The following PDE10A variants were observed in gnomAD, a reference collection of about 807,000 sequenced individuals.
PDE10A encodes the protein cAMP and cAMP-inhibited cGMP 3',5'-cyclic phosphodiesterase 10A.
Under a neutral mutation model 97.7 loss-of-function variants are expected in PDE10A, and 39 were observed. The ratio of observed to expected loss-of-function variants is 0.40; its 90% confidence interval spans 0.31 to 0.52. PDE10A has a LOEUF of 0.52. Ranked by LOEUF, PDE10A falls within the 20% of genes least tolerant of loss-of-function variation. The pLI, the probability that PDE10A is intolerant of heterozygous loss-of-function variation, is 0.56. For synonymous variants in PDE10A, 371 were observed against 376.8 expected (o/e 0.98, Z 0.18); for missense variants, 731 against 1,047.8 (o/e 0.70, Z 4.17).
At chr6:165,932,526 G>T (rs1348017236) in intron 1 of PDE10A, among the ~76,000 whole-genome samples, 1 of 152,152 alleles carries the variant, frequency 6.6e-6, no homozygotes, top group East Asian at 1.9e-4. Context: ...AGTAAAGACA[G>T]GGTTTCACCA....
Position 165,332,941 on chromosome 6 carries a change from C to A in PDE10A, c.*84G>T, listed in dbSNP as rs766633677. On this transcript the variant is annotated 3_prime_UTR_variant, in exon 22 of 22. Transcript: ENST00000539869. ...CCAGTTACCAGGTGCAGGTTCCCCC[C>A]ACCCCCCCCAAAAAAAGGAAAAGAA... is the stretch of plus-strand genomic sequence containing the variant. The A allele has an allele frequency of 1.3e-4, 82 of 620,060 alleles. No individual in the cohort carries two copies. Among genetic ancestry groups the A allele is most frequent in the Non-Finnish European group, 2.0e-4 (67 of 332,742 alleles). 38.4% of individuals were successfully genotyped at this position (620,060 alleles called of 1,614,324 possible).
chr6:165,386,584 A>C (rs563559949), intron 17 of PDE10A, among the ~76,000 whole-genome samples: 2 of 152,334 alleles, frequency 1.3e-5, no homozygotes, highest in African/African-American at 4.8e-5. Context: ...GAATGAGGTC[A>C]AAGTAGACAT....
chr6:165,425,277 T>C (rs2128234952), intron 10 of PDE10A, among the ~76,000 whole-genome samples: 1 of 152,244 alleles, frequency 6.6e-6, no homozygotes, highest in East Asian at 1.9e-4. Context: ...GAAGACGCCA[T>C]ATGCTGAAGA....
At chr6:165,602,912 T>A (rs911788140) in intron 1 of PDE10A, among the ~76,000 whole-genome samples, 1 of 152,182 alleles carries the variant, frequency 6.6e-6, no homozygotes, top group Non-Finnish European at 1.5e-5. Context: ...CAATAATTAT[T>A]GTTCTATGCT....
intron 1 of PDE10A, among the ~76,000 whole-genome samples, chr6:165,725,582 C>T (rs1792272575): frequency 6.6e-6 from 1 of 152,206 alleles, no homozygotes; most frequent in Non-Finnish European, 1.5e-5. Flanking sequence ...CAGCACTTCT[C>T]AGAATAGGGG....
intron 1 of PDE10A, among the ~76,000 whole-genome samples, chr6:165,985,352 A>G (rs1176075517): frequency 6.6e-6 from 1 of 152,240 alleles, no homozygotes; most frequent in Non-Finnish European, 1.5e-5. Context: ...GGTTTCTTTT[A>G]TGTGGAAATC....
chr6:165,749,293 T>TTGC (rs1792925612), intron 1 of PDE10A, among the ~76,000 whole-genome samples: 11 of 58,756 alleles, frequency 1.9e-4, no homozygotes, highest in South Asian at 4.9e-4. Flanking sequence ...ATCATCACCA[T>TTGC]CACCATCATC....
chr6:165,619,199 G>GTAGTC (rs1165964417), intron 1 of PDE10A, among the ~76,000 whole-genome samples: 1 of 103,582 alleles, frequency 9.7e-6, no homozygotes, highest in Non-Finnish European at 1.8e-5. Flanking sequence ...CTAGTGTAGT[G>GTAGTC]TAATGTAGTG....
intron 2 of PDE10A, among the ~76,000 whole-genome samples, chr6:165,512,471 T>C (rs1273887419): frequency 6.6e-6 from 1 of 152,008 alleles, no homozygotes; most frequent in African/African-American, 2.4e-5. Context: ...TTTGAATATA[T>C]CATTCTACTC....
chr6:165,896,610 C>T (rs1172607897), intron 1 of PDE10A, among the ~76,000 whole-genome samples: 1 of 151,182 alleles, frequency 6.6e-6, no homozygotes, highest in African/African-American at 2.4e-5. Flanking sequence ...CTGCAAGCTC[C>T]GCCTCCCGGG....
At chr6:165,371,409 C>A (rs1255489028) in intron 18 of PDE10A, among the ~76,000 whole-genome samples, 7 of 152,078 alleles carry the variant, frequency 4.6e-5, no homozygotes, top group African/African-American at 1.7e-4. Flanking sequence ...GCCACCAATC[C>A]CACAGAAATA....
Position 165,810,758 on chromosome 6 carries a change from C to A in PDE10A, c.-615+176771G>T, listed in dbSNP as rs186055568. ...CTCTGGAAGTTCTCTTACCGTAAAC[C>A]CCCACCCCTTCCCTGTTTTTGTTGG... On this transcript the variant is annotated intron_variant, in intron 1 of 19. Coordinates refer to the PDE10A transcript ENST00000366882. 2.0e-5 allele frequency among the ~76,000 whole-genome samples: 3 copies of A among 152,222 alleles called. No homozygotes were observed. In the East Asian group the frequency reaches 5.8e-4, roughly 29 times the overall value.
chr6:165,430,701 AC>A (rs1789491382), intron 8 of PDE10A, among the ~76,000 whole-genome samples: 1 of 152,138 alleles, frequency 6.6e-6, no homozygotes, highest in Non-Finnish European at 1.5e-5. Flanking sequence ...CTTTAGAACT[AC>A]TTTACACTGT....
intron 1 of PDE10A, among the ~76,000 whole-genome samples, chr6:165,974,262 T>A (rs1033285040): frequency 2.6e-5 from 4 of 152,230 alleles, no homozygotes; most frequent in Non-Finnish European, 4.4e-5. Context: ...ACACAAATAG[T>A]GACTCCAACG....
chr6:165,737,307 TAATACCAAA>T (rs1407594143), intron 1 of PDE10A, among the ~76,000 whole-genome samples: 55 of 152,212 alleles, frequency 3.6e-4, no homozygotes, highest in Admixed American at 3.5e-3. Context: ...AACATTACTT[TAATACCAAA>T]GTCAGACAAG....
chr6:165,917,798 G>T (rs1782648700), intron 1 of PDE10A, among the ~76,000 whole-genome samples: 1 of 152,100 alleles, frequency 6.6e-6, no homozygotes, highest in South Asian at 2.1e-4. Flanking sequence ...CAGCTTAGGC[G>T]CCATCTCCTC....
intron 1 of PDE10A, among the ~76,000 whole-genome samples, chr6:165,831,591 C>T (rs1779917349): frequency 6.6e-6 from 1 of 150,660 alleles, no homozygotes; most frequent in Non-Finnish European, 1.5e-5. Flanking sequence ...CATTCTCCTG[C>T]CTCAGCCTCC....
At chr6:165,511,509 C>T (rs931364619) in intron 2 of PDE10A, among the ~76,000 whole-genome samples, 1 of 151,948 alleles carries the variant, frequency 6.6e-6, no homozygotes, top group Non-Finnish European at 1.5e-5. Context: ...AGATAAAATG[C>T]TCTGTAAACC....
At chr6:165,515,060 C>A (rs954636878) in intron 2 of PDE10A, among the ~76,000 whole-genome samples, 2 of 152,262 alleles carry the variant, frequency 1.3e-5, no homozygotes, top group Admixed American at 1.3e-4. Flanking sequence ...CTCCTAGACA[C>A]CCTTTCAGAG....
Sources: gnomAD v4.1 joint callset for allele counts (sites outside exome capture counted in the v4.1 genomes callset) on GRCh38, gnomAD v4.1.1 for gene constraint, MANE v1.5 for transcripts, NCBI Gene and HGNC (gene_info 2026-07-23, HGNC 2026-07-21) for gene names.